ANXA2: variants seen among roughly 807,000 people sequenced by gnomAD.
ANXA2 encodes the protein annexin A2.
Under a neutral mutation model 47.3 loss-of-function variants are expected in ANXA2, and 28 were observed. The observed-to-expected ratio is 0.59, with a 90% CI of 0.44 to 0.81. The LOEUF (loss-of-function observed/expected upper bound fraction) is 0.81. ANXA2 is among the 40% of genes least tolerant of loss of function. The pLI is 0.00. For synonymous variants in ANXA2, 172 were observed against 155.5 expected, an observed-to-expected ratio of 1.11 and a Z score of -0.79; for missense variants, 384 against 414.3, an observed-to-expected ratio of 0.93 and a Z score of 0.64.
chr15:60,354,032 A>T, intron 8 of ANXA2, 122 bp downstream of exon 8: 1 of 680,548 alleles, frequency 1.5e-6, no homozygotes, highest in Admixed American at 2.9e-5. Flanking sequence ...GAAATAATAC[A>T]TGTTTGTTGT....
chr15:60,349,018 C>G (rs1895859539), intron 12 of ANXA2, 57 bp downstream of exon 12: 1 of 1,600,590 alleles, frequency 6.2e-7, no homozygotes, highest in East Asian at 2.2e-5. Flanking sequence ...AGGCCACCTG[C>G]CAGGGCCCGG....
At chr15:60,356,631 A>G (rs553828693) in intron 6 of ANXA2, among the ~76,000 whole-genome samples, 2 of 152,316 alleles carry the variant, frequency 1.3e-5, no homozygotes, top group African/African-American at 4.8e-5. Flanking sequence ...AATATGTAAA[A>G]CTATGATAAT....
chr15:60,375,066 T>A (rs2062759117), intron 3 of ANXA2, among the ~76,000 whole-genome samples: 1 of 152,236 alleles, frequency 6.6e-6, no homozygotes, highest in Non-Finnish European at 1.5e-5. Flanking sequence ...TGAATATACC[T>A]GGCGTGCAGG....
chr15:60,397,459 TC>T, intron 1 of ANXA2: 1 of 345,868 alleles, frequency 2.9e-6, no homozygotes, highest in Non-Finnish European at 4.2e-6. Context: ...TCGGTTCAAC[TC>T]CACAAGCGCG....
intron 2 of ANXA2, chr15:60,384,178 T>A (rs191068669): frequency 6.6e-6 from 1 of 152,238 alleles, no homozygotes; most frequent in African/African-American, 2.4e-5. Context: ...ATGGTAGCTA[T>A]AAAATGTGGA....
At chr15:60,348,520 G>A (rs927384588) in intron 12 of ANXA2, among the ~76,000 whole-genome samples, 2 of 152,072 alleles carry the variant, frequency 1.3e-5, no homozygotes, top group Non-Finnish European at 2.9e-5. Context: ...CGAGGCGGGC[G>A]GATCACGAGG....
chr15:60,347,573 C>A lies in ANXA2; in HGVS notation c.*57G>T. ...GTTATTCGCAAGCTGGTTTTCTAGACCTGTTAGCTGGAAGCATGGTGAGCA... is the reference window on the plus strand; with the variant it reads ...GTTATTCGCAAGCTGGTTTTCTAGAACTGTTAGCTGGAAGCATGGTGAGCA... On this transcript the variant is annotated 3_prime_UTR_variant, in exon 13 of 13. Coordinates refer to ENST00000451270, the MANE Select transcript of ANXA2 (RefSeq NM_004039.3). The A allele has an allele frequency of 6.4e-7, 1 of 1,573,344 alleles. No homozygotes were observed. Among genetic ancestry groups the A allele is most frequent in the South Asian group, 1.1e-5 (1 of 90,146 alleles).
intron 3 of ANXA2, among the ~76,000 whole-genome samples, chr15:60,375,837 A>G (rs544820086): frequency 4.9e-4 from 75 of 152,314 alleles, no homozygotes; most frequent in African/African-American, 1.7e-3. Flanking sequence ...TATGTAGAGT[A>G]TGATGAGAAC....
At chr15:60,348,745 CAAA>C (rs35692360) in intron 12 of ANXA2, among the ~76,000 whole-genome samples, 2 of 119,814 alleles carry the variant, frequency 1.7e-5, no homozygotes, top group African/African-American at 3.2e-5. Context: ...GACTCCGTCT[CAAA>C]AAAAAAAAAA....
chr15:60,366,443 C>T (rs8031821), intron 3 of ANXA2, among the ~76,000 whole-genome samples: 73,384 of 144,760 alleles, frequency 0.51, 17,988 homozygotes, highest in Admixed American at 0.62. Flanking sequence ...ATGTGGGGAG[C>T]ACCTCTGCCC....
intron 5 of ANXA2, among the ~76,000 whole-genome samples, chr15:60,357,517 G>C (rs1055680527): frequency 4.6e-5 from 7 of 152,116 alleles, no homozygotes; most frequent in African/African-American, 1.4e-4. Flanking sequence ...ATAGGGGCTG[G>C]GCACAGTGGC....
At chr15:60,382,165 AAAGG>A (rs1247316644) in intron 3 of ANXA2, among the ~76,000 whole-genome samples, 173 bp downstream of exon 3, 1 of 151,676 alleles carries the variant, frequency 6.6e-6, no homozygotes, top group Non-Finnish European at 1.5e-5. Context: ...AAAAAGAAAG[AAAGG>A]AAGGAGGGAA....
In ANXA2 at chr15:60,361,204, C is replaced by G. The variant is rs2062507468; in HGVS notation, c.244-150G>C. 4.8e-6 allele frequency: 3 copies of G among 629,132 alleles called. No individual in the cohort carries two copies. The Admixed American group carries it at 7.8e-5, about 16-fold the overall frequency. The allele number at this position is 629,132 out of a possible 1,614,324, so 39.0% of individuals were successfully genotyped here. ...GGTCAAACGCCCTCAACTGCATTCC[C>G]TTCAACAGACCCACATCTCAGAAAC... is the stretch of plus-strand genomic sequence containing the variant. On this transcript the variant is annotated intron_variant, in intron 4 of 12. Transcript: ENST00000451270.
chr15:60,363,044 A>AAC lies in ANXA2; in HGVS notation c.243+1384_243+1385insGT, dbSNP rs1566936080. ...GACCCTGTCACAAAAAAAAAAAAAA[A>AAC]AAAAAAAAAAAAAAGTTTCAGGCTT... is the stretch of plus-strand genomic sequence containing the variant. On this transcript the variant is annotated intron_variant, in intron 4 of 12. Coordinates refer to ENST00000451270, the MANE Select transcript of ANXA2 (RefSeq NM_004039.3). The AAC allele has an allele frequency of 6.9e-3, 1,038 of 150,786 alleles. 16 individuals carry two copies. The highest frequency in any genetic ancestry group is 0.025 in the African/African-American group (1,008 of 40,650). 9.3% of individuals were successfully genotyped at this position (150,786 alleles called of 1,614,324 possible).
chr15:60,366,040 G>A (rs1260225353), intron 3 of ANXA2, among the ~76,000 whole-genome samples: 4 of 136,682 alleles, frequency 2.9e-5, no homozygotes, highest in Non-Finnish European at 6.3e-5. Flanking sequence ...TGGTGGAGAC[G>A]GGGTTTCGCT....
intron 1 of ANXA2, chr15:60,393,446 GAA>G (rs568930767): frequency 1.6e-5 from 16 of 1,004,410 alleles, no homozygotes; most frequent in Non-Finnish European, 1.8e-5. Context: ...GCCGCCTACA[GAA>G]AAAAGTCTAA....
intron 3 of ANXA2, among the ~76,000 whole-genome samples, chr15:60,370,880 C>T (rs2062701470): frequency 6.6e-6 from 1 of 152,322 alleles, no homozygotes; most frequent in East Asian, 1.9e-4. Flanking sequence ...CTGAATATCA[C>T]TTTCTTTTCC....
intron 1 of ANXA2, among the ~76,000 whole-genome samples, chr15:60,389,089 C>G (rs1009388171): frequency 2.0e-5 from 3 of 152,270 alleles, no homozygotes; most frequent in East Asian, 3.9e-4. Flanking sequence ...TCAAACCACC[C>G]AAGCCCTGGC....
At chr15:60,354,106 G>T (rs145651301) in intron 8 of ANXA2, 48 bp downstream of exon 8, 2 of 1,527,836 alleles carry the variant, frequency 1.3e-6, no homozygotes, top group Non-Finnish European at 1.8e-6. Context: ...AGACTATCCA[G>T]AGACTTACCA....
Sources: allele counts gnomAD v4.1 joint callset (sites outside exome capture counted in the v4.1 genomes callset), GRCh38; gene constraint gnomAD v4.1.1; transcripts MANE v1.5; gene names NCBI Gene and HGNC (gene_info 2026-07-23, HGNC 2026-07-21).